SGIP1: variants seen among roughly 807,000 people sequenced by gnomAD.
The protein encoded by SGIP1 is SH3-containing GRB2-like protein 3-interacting protein 1.
In SGIP1, 38 loss-of-function variants were observed where a neutral mutation model predicts 107.5. That is an observed-to-expected ratio of 0.35 (90% CI 0.27 to 0.46). The LOEUF is 0.46. Ranked by LOEUF, SGIP1 falls within the 20% of genes least tolerant of loss-of-function variation. The probability of loss-of-function intolerance (pLI) is 1.00; values close to 1 mark genes in which losing one functional copy is unlikely to be tolerated. For synonymous variants in SGIP1, 365 were observed against 366.1 expected (o/e 1.00, Z 0.03); for missense variants, 929 against 1,019.5 (o/e 0.91, Z 1.21).
At chr1:66,555,971 C>A (rs143658127) in intron 1 of SGIP1, among the ~76,000 whole-genome samples, 1 of 152,112 alleles carries the variant, frequency 6.6e-6, no homozygotes, top group Non-Finnish European at 1.5e-5. Context: ...TTGAACCCCG[C>A]GATTCTGGCT....
chr1:66,536,600 G>C (rs1296576071), intron 1 of SGIP1, among the ~76,000 whole-genome samples: 1 of 152,112 alleles, frequency 6.6e-6, no homozygotes, highest in Non-Finnish European at 1.5e-5. Flanking sequence ...CTCATCTCTA[G>C]AGATTGCCAG....
rs1474207465 is a variant in SGIP1 at position 66,729,006 on chromosome 1, CTA to C, written c.1743-256_1743-255del. On this transcript the variant is annotated intron_variant, in intron 19 of 24. Coordinates refer to ENST00000371037, the MANE Select transcript of SGIP1 (RefSeq NM_032291.4). The stretch of plus-strand genomic sequence containing the variant: ...TTCAGAAAAAAAAAACTGTCAAATA[CTA>C]TGCTTAGTACCCAGGTGACAAAATA... 2.6e-5 allele frequency among the ~76,000 whole-genome samples: 4 copies of C among 152,094 alleles called. No homozygotes were observed. The East Asian group carries it at 7.7e-4, about 29-fold the overall frequency.
chr1:66,691,305 G>T (rs1214859998), intron 17 of SGIP1, among the ~76,000 whole-genome samples: 1 of 152,198 alleles, frequency 6.6e-6, no homozygotes, highest in Non-Finnish European at 1.5e-5. Context: ...GAAGTAGCTT[G>T]ATCAAAGCCT....
At chr1:66,595,958 A>C (rs2064584885) in intron 1 of SGIP1, among the ~76,000 whole-genome samples, 1 of 152,356 alleles carries the variant, frequency 6.6e-6, no homozygotes, top group East Asian at 1.9e-4. Flanking sequence ...AAAGGGCAGC[A>C]CAAGGAATCC....
chr1:66,651,119 G>C (rs934479938), intron 7 of SGIP1, among the ~76,000 whole-genome samples: 1 of 152,204 alleles, frequency 6.6e-6, no homozygotes, highest in Admixed American at 6.5e-5. Flanking sequence ...AGGTCTAAAA[G>C]AGGTGCTTAG....
chr1:66,722,270 CAA>C (rs1319026785), intron 19 of SGIP1, among the ~76,000 whole-genome samples: 2 of 152,132 alleles, frequency 1.3e-5, no homozygotes, highest in Admixed American at 6.5e-5. Flanking sequence ...GTAAATTTAT[CAA>C]AGAGACCTTC....
intron 13 of SGIP1, among the ~76,000 whole-genome samples, chr1:66,677,520 G>A (rs2085660161): frequency 1.3e-5 from 2 of 152,212 alleles, no homozygotes. Flanking sequence ...AGGACACATT[G>A]ATAGGAAAGA....
At chr1:66,709,061 T>C (rs1483467584) in intron 18 of SGIP1, among the ~76,000 whole-genome samples, 1 of 151,590 alleles carries the variant, frequency 6.6e-6, no homozygotes, top group Non-Finnish European at 1.5e-5. Context: ...CGCAGAGTTC[T>C]GGGATACATG....
chr1:66,542,688 A>G (rs1299610431), intron 1 of SGIP1, among the ~76,000 whole-genome samples: 1 of 152,182 alleles, frequency 6.6e-6, no homozygotes, highest in Non-Finnish European at 1.5e-5. Flanking sequence ...TTATTTCTAT[A>G]ATTTTTCATT....
At chr1:66,612,189 G>T (rs539524905) in intron 1 of SGIP1, among the ~76,000 whole-genome samples, 1 of 152,248 alleles carries the variant, frequency 6.6e-6, no homozygotes, top group South Asian at 2.1e-4. Context: ...AGGGGAGGAG[G>T]TGCCAGGTTC....
intron 1 of SGIP1, among the ~76,000 whole-genome samples, chr1:66,618,852 ACT>A (rs2070158363): frequency 1.3e-5 from 2 of 152,050 alleles, no homozygotes; most frequent in South Asian, 4.1e-4. Context: ...TACCTCTTAG[ACT>A]CTCTATCAAT....
intron 1 of SGIP1, among the ~76,000 whole-genome samples, chr1:66,589,055 A>G (rs149184144): frequency 2.2e-4 from 33 of 150,594 alleles, no homozygotes; most frequent in African/African-American, 7.0e-4. Flanking sequence ...GTTTTAATCA[A>G]TATTAAATTA....
chr1:66,603,590 A>G (rs1390730989), intron 1 of SGIP1, among the ~76,000 whole-genome samples: 1 of 152,192 alleles, frequency 6.6e-6, no homozygotes, highest in Non-Finnish European at 1.5e-5. Context: ...TACTGGAAAC[A>G]CATTAAGAGC....
intron 18 of SGIP1, among the ~76,000 whole-genome samples, chr1:66,698,017 T>C (rs2091256634): frequency 6.6e-6 from 1 of 152,214 alleles, no homozygotes; most frequent in Admixed American, 6.5e-5. Context: ...AAATAGCTTT[T>C]CAATTTTTAT....
chr1:66,726,554 A>G (rs370736047), intron 19 of SGIP1, among the ~76,000 whole-genome samples: 1 of 152,316 alleles, frequency 6.6e-6, no homozygotes, highest in East Asian at 1.9e-4. Context: ...TATAGAACAG[A>G]ATGAATCGTG....
chr1:66,643,850 T>C, intron 7 of SGIP1, 131 bp downstream of exon 7: 2 of 761,450 alleles, frequency 2.6e-6, no homozygotes, highest in Non-Finnish European at 3.8e-6. Flanking sequence ...ATGAATTCTA[T>C]AAATCTAAGA....
intron 1 of SGIP1, among the ~76,000 whole-genome samples, chr1:66,592,897 CTTTTTTTTTTTTTTT>C (rs35762612): frequency 5.3e-5 from 3 of 56,340 alleles, no homozygotes; most frequent in African/African-American, 8.6e-5. Context: ...TCTTCTTCTT[CTTTTTTTTTTTTTTT>C]TTTTTTTTTT....
intron 1 of SGIP1, among the ~76,000 whole-genome samples, chr1:66,543,437 A>C (rs565211888): frequency 6.6e-6 from 1 of 152,352 alleles, no homozygotes; most frequent in South Asian, 2.1e-4. Flanking sequence ...GCCAAATGAA[A>C]AGACTTACCT....
Position 66,633,928 on chromosome 1 carries a change from A to T in SGIP1, c.99+834A>T, listed in dbSNP as rs12030981. 2.3e-3 allele frequency among the ~76,000 whole-genome samples: 352 copies of T among 152,260 alleles called. 11 individuals carry two copies. In the East Asian group the frequency reaches 0.064, roughly 28 times the overall value. On this transcript the variant is annotated intron_variant, in intron 3 of 24. Transcript: ENST00000371037. The stretch of plus-strand genomic sequence containing the variant: ...ATACATAAACTGGGGTGTTAATTGC[A>T]GCTATAGCAGGAATTTTCCTTCCAC...
Sources: allele counts gnomAD v4.1 joint callset (sites outside exome capture counted in the v4.1 genomes callset), GRCh38; gene constraint gnomAD v4.1.1; transcripts MANE v1.5; gene names NCBI Gene and HGNC (gene_info 2026-07-23, HGNC 2026-07-21).